PAK2: variants seen among roughly 807,000 people sequenced by gnomAD.
PAK2 encodes the protein serine/threonine-protein kinase PAK 2.
A neutral mutation model predicts 65.9 loss-of-function variants in PAK2; 21 were observed. The observed-to-expected ratio is 0.32, with a 90% CI of 0.23 to 0.46. The LOEUF is 0.46. Ranked by LOEUF, PAK2 falls within the 20% of genes least tolerant of loss-of-function variation. The probability of loss-of-function intolerance (pLI) is 1.00; values close to 1 mark genes in which losing one functional copy is unlikely to be tolerated. For synonymous variants in PAK2, 204 were observed against 219.7 expected, an observed-to-expected ratio of 0.93 and a Z score of 0.63; for missense variants, 324 against 642.6, an observed-to-expected ratio of 0.50 and a Z score of 5.36.
intron 8 of PAK2, among the ~76,000 whole-genome samples, chr3:196,811,818 A>G (rs1407779915): frequency 2.6e-5 from 4 of 152,104 alleles, no homozygotes; most frequent in Admixed American, 2.6e-4. Context: ...CATGAAAATG[A>G]TGAACACCAA....
chr3:196,807,123 A>G (rs367983140), intron 6 of PAK2, among the ~76,000 whole-genome samples: 1 of 152,138 alleles, frequency 6.6e-6, no homozygotes, highest in African/African-American at 2.4e-5. Context: ...CTAACCAGGT[A>G]AGGGAGAATT....
At chr3:196,808,266 A>G (rs148135100) in intron 7 of PAK2, among the ~76,000 whole-genome samples, 39 of 151,698 alleles carry the variant, frequency 2.6e-4, no homozygotes, top group African/African-American at 8.7e-4. Flanking sequence ...GCAGTGAGCC[A>G]AGATTGCGTC....
intron 2 of PAK2, among the ~76,000 whole-genome samples, chr3:196,794,253 A>G (rs1301155365): frequency 2.0e-5 from 3 of 152,220 alleles, no homozygotes; most frequent in African/African-American, 7.2e-5. Context: ...GGACATAGTG[A>G]CTTCTAGCTC....
rs1163136639 is a variant in PAK2, at chr3:196,828,962, G to A, written c.*557G>A. On this transcript the variant is annotated 3_prime_UTR_variant, in exon 15 of 15. Coordinates refer to ENST00000327134, the MANE Select transcript of PAK2 (RefSeq NM_002577.4). ...TCACTTTGTATAAAAGTTAGGACCA[G>A]CTGTTGTTACATGTAATATTTTAGT... 1.3e-5 allele frequency: 2 copies of A among 152,666 alleles called. No homozygotes were observed. Among genetic ancestry groups the A allele is most frequent in the Non-Finnish European group, 2.9e-5 (2 of 68,072 alleles). 9.5% of individuals were successfully genotyped at this position (152,666 alleles called of 1,614,324 possible).
chr3:196,808,240 C>T (rs893730800), intron 7 of PAK2, among the ~76,000 whole-genome samples: 6 of 151,986 alleles, frequency 3.9e-5, no homozygotes, highest in Admixed American at 1.3e-4. Flanking sequence ...TCACTTGAAC[C>T]CAGGAGGTGG....
intron 11 of PAK2, among the ~76,000 whole-genome samples, chr3:196,817,155 AATTTT>A (rs1228106747): frequency 2.1e-3 from 264 of 127,556 alleles, no homozygotes; most frequent in African/African-American, 7.4e-3. Flanking sequence ...TGAAAGAGGC[AATTTT>A]TTTTTTTTTT....
At chr3:196,782,011 C>T (rs1022017944) in intron 1 of PAK2, among the ~76,000 whole-genome samples, 2 of 152,124 alleles carry the variant, frequency 1.3e-5, no homozygotes, top group African/African-American at 4.8e-5. Flanking sequence ...GAGGCTGAGG[C>T]AGGAGGATTG....
chr3:196,789,431 A>G (rs923886207), intron 2 of PAK2, among the ~76,000 whole-genome samples: 7 of 151,894 alleles, frequency 4.6e-5, no homozygotes, highest in African/African-American at 9.7e-5. Context: ...GTGGTCCCCA[A>G]CCTTTTTGAC....
intron 1 of PAK2, chr3:196,747,262 G>A (rs189746490): frequency 6.6e-6 from 1 of 151,512 alleles, no homozygotes; most frequent in Admixed American, 6.6e-5. Flanking sequence ...ATGTGTTTTC[G>A]ATGAGCGGTA....
At chr3:196,795,660 C>T (rs564254778) in intron 2 of PAK2, among the ~76,000 whole-genome samples, 138 of 152,232 alleles carry the variant, frequency 9.1e-4, no homozygotes, top group African/African-American at 3.3e-3. Flanking sequence ...AATCTATCAG[C>T]CTAGAATTCT....
At chr3:196,776,038 C>T (rs540576566) in intron 1 of PAK2, among the ~76,000 whole-genome samples, 2 of 152,162 alleles carry the variant, frequency 1.3e-5, no homozygotes, top group Non-Finnish European at 2.9e-5. Context: ...AGATGGAGTA[C>T]GCTTTAAAGC....
intron 1 of PAK2, among the ~76,000 whole-genome samples, chr3:196,743,300 T>G (rs1713268300): frequency 6.6e-6 from 1 of 152,170 alleles, no homozygotes. Flanking sequence ...GTATCCCATG[T>G]GGTTAGGAGC....
intron 1 of PAK2, among the ~76,000 whole-genome samples, chr3:196,780,036 T>C (rs1714657459): frequency 6.6e-6 from 1 of 152,238 alleles, no homozygotes; most frequent in African/African-American, 2.4e-5. Context: ...ACACTGGTAG[T>C]AGCCCATACT....
chr3:196,759,560 C>G (rs1404158711), intron 1 of PAK2, among the ~76,000 whole-genome samples: 1 of 121,446 alleles, frequency 8.2e-6, no homozygotes, highest in African/African-American at 3.3e-5. Context: ...TGCTCTGTCA[C>G]CCAGGCTGGA....
At chr3:196,796,617 T>C (rs1237079055) in intron 2 of PAK2, among the ~76,000 whole-genome samples, 1 of 152,064 alleles carries the variant, frequency 6.6e-6, no homozygotes, top group Non-Finnish European at 1.5e-5. Flanking sequence ...AACAACTGAG[T>C]AGATAAAAGG....
rs776938911 is a variant in PAK2, at chr3:196,782,838, A to T, written c.187+5A>T. 1 of 1,595,236 alleles carries T rather than the reference A, an allele frequency of 6.3e-7. No homozygotes were observed. Among genetic ancestry groups the T allele is most frequent in the East Asian group, 2.2e-5 (1 of 44,778 alleles). On this transcript the variant is annotated splice_donor_5th_base_variant and intron_variant, in intron 2 of 14. Transcript: ENST00000327134. ...TATTCTCAGGCACAGAGAAAGGTAA[A>T]TAGCGCTTCTGGCTTTCAGAGTCTC... is the stretch of plus-strand genomic sequence containing the variant.
chr3:196,800,381 TAAAAAAG>T (rs1423814568), intron 2 of PAK2, among the ~76,000 whole-genome samples: 1 of 151,934 alleles, frequency 6.6e-6, no homozygotes, highest in African/African-American at 2.4e-5. Context: ...GACTCCCTGT[TAAAAAAG>T]AAAAAGAAAG....
intron 1 of PAK2, among the ~76,000 whole-genome samples, chr3:196,752,988 T>A (rs996028488): frequency 6.6e-6 from 1 of 151,822 alleles, no homozygotes. Flanking sequence ...AAAAAAATTT[T>A]TTTTTTTTTT....
intron 2 of PAK2, among the ~76,000 whole-genome samples, chr3:196,796,183 G>A (rs1715255494): frequency 6.6e-6 from 1 of 152,120 alleles, no homozygotes; most frequent in Admixed American, 6.6e-5. Context: ...TGTGGCCTGG[G>A]GGCTGGGGAC....
Sources: gnomAD v4.1 joint callset for allele counts (sites outside exome capture counted in the v4.1 genomes callset) on GRCh38, gnomAD v4.1.1 for gene constraint, MANE v1.5 for transcripts, NCBI Gene and HGNC (gene_info 2026-07-23, HGNC 2026-07-21) for gene names.